Variants in USP45 observed in about 807,000 individuals in gnomAD.
The protein encoded by USP45 is ubiquitin carboxyl-terminal hydrolase 45.
USP45 carries 89 observed loss-of-function variants against 95.8 expected under a neutral mutation model. The ratio of observed to expected loss-of-function variants is 0.93; its 90% CI spans 0.78 to 1.11. USP45 has a LOEUF of 1.11. Ranked by LOEUF, USP45 falls within the 50% of genes least tolerant of loss-of-function variation. The pLI, the probability that USP45 is intolerant of heterozygous loss-of-function variation, is 0.00. For synonymous variants in USP45, 281 were observed against 316.2 expected, an observed-to-expected ratio of 0.89 and a Z score of 1.18; for missense variants, 898 against 942.5, an observed-to-expected ratio of 0.95 and a Z score of 0.62.
At chr6:99,490,991 C>A (rs1170143759) in intron 5 of USP45, among the ~76,000 whole-genome samples, 1 of 152,152 alleles carries the variant, frequency 6.6e-6, no homozygotes, top group South Asian at 2.1e-4. Context: ...TCCCCCTATT[C>A]CTGTTTTTTT....
rs147922151 is a variant in USP45 at position 99,446,274 on chromosome 6, T to C, written c.1498A>G (p.Asn500Asp). Residue 500 changes from asparagine to aspartate, a missense_variant, in exon 14 of 18, where the codon AAT becomes GAT. Coordinates refer to ENST00000500704, the MANE Select transcript of USP45 (RefSeq NM_001346022.3). The part of the protein sequence containing the change: ...SEKEASHSES[N>D]VDADSEPSES... ...GAAGGCTCACTGTCAGCATCAACAT[T>C]GCTTTCAGAATGGCTGGCTTCTTTT... 1.9e-6 allele frequency: 3 copies of C among 1,614,088 alleles called. No homozygotes were observed. The African/African-American group carries it at 4.0e-5, about 22-fold the overall frequency.
chr6:99,470,447 A>G (rs1321526313), intron 9 of USP45, among the ~76,000 whole-genome samples: 1 of 152,198 alleles, frequency 6.6e-6, no homozygotes, highest in Non-Finnish European at 1.5e-5. Flanking sequence ...TATATTTCCT[A>G]TAACTGTTCA....
At chr6:99,497,697 C>T (rs1187462929) in intron 5 of USP45, among the ~76,000 whole-genome samples, 1 of 152,186 alleles carries the variant, frequency 6.6e-6, no homozygotes, top group Non-Finnish European at 1.5e-5. Context: ...TCAGCCACTT[C>T]TCTGCTTAAA....
chr6:99,457,514 C>T (rs1210102195), intron 13 of USP45, among the ~76,000 whole-genome samples: 2 of 152,182 alleles, frequency 1.3e-5, no homozygotes, highest in Non-Finnish European at 2.9e-5. Context: ...GATCATGATA[C>T]ATTCTATGCA....
chr6:99,454,397 A>C (rs1784546489), intron 13 of USP45, among the ~76,000 whole-genome samples: 1 of 152,218 alleles, frequency 6.6e-6, no homozygotes, highest in Non-Finnish European at 1.5e-5. Context: ...ACATTAGTCT[A>C]GGTAATGATT....
chr6:99,485,175 C>CAAAAAAAA lies in USP45; in HGVS notation c.715-2300_715-2293dup, dbSNP rs1190400783. Among the ~76,000 whole-genome samples, 6 of 88,706 alleles carry CAAAAAAAA rather than the reference C, an allele frequency of 6.8e-5. No homozygotes were observed. In the East Asian group the frequency reaches 9.1e-4, roughly 13 times the overall value. 58.2% of individuals were successfully genotyped at this position (88,706 alleles called of 152,430 possible). On this transcript the variant is annotated intron_variant, in intron 7 of 17. Transcript: ENST00000500704. ...CAAAACCCTGTCTCCACTAAAAATA[C>CAAAAAAAA]AAAAAAAAAAAAAAAAAAAATTAGC...
chr6:99,494,912 G>C (rs1795978482), intron 5 of USP45, among the ~76,000 whole-genome samples: 1 of 151,760 alleles, frequency 6.6e-6, no homozygotes, highest in Non-Finnish European at 1.5e-5. Context: ...CAAAAAAACT[G>C]AGTTCAAGGA....
upstream of USP45, among the ~76,000 whole-genome samples, chr6:99,515,741 G>A (rs1271584946): frequency 2.0e-5 from 3 of 147,676 alleles, no homozygotes; most frequent in South Asian, 4.3e-4. Context: ...AACAGCCTCC[G>A]ATTTCCCTCC....
chr6:99,468,436 C>G, intron 10 of USP45, 101 bp downstream of exon 10: 1 of 783,734 alleles, frequency 1.3e-6, no homozygotes, highest in Admixed American at 2.5e-5. Context: ...AAAGCCACTA[C>G]TTTGGTGGAT....
At chr6:99,446,957 T>G (rs1782675239) in intron 13 of USP45, among the ~76,000 whole-genome samples, 1 of 152,218 alleles carries the variant, frequency 6.6e-6, no homozygotes, top group Non-Finnish European at 1.5e-5. Flanking sequence ...TTGCTTAGGC[T>G]GGTCTTGAAC....
chr6:99,479,360 C>T (rs1583256340), intron 8 of USP45, among the ~76,000 whole-genome samples: 1 of 151,972 alleles, frequency 6.6e-6, no homozygotes, highest in South Asian at 2.1e-4. Context: ...CAGGTGTGCA[C>T]CATCACACCT....
intron 15 of USP45, 32 bp from the exon 16 acceptor site, chr6:99,439,887 A>G (rs1303947589): frequency 2.0e-6 from 3 of 1,531,370 alleles, no homozygotes; most frequent in Admixed American, 1.9e-5. Flanking sequence ...TTGAAATGCA[A>G]CAATTAGAAA....
At chr6:99,506,179 C>A (rs1583459686) in intron 4 of USP45, among the ~76,000 whole-genome samples, 1 of 152,134 alleles carries the variant, frequency 6.6e-6, no homozygotes, top group Non-Finnish European at 1.5e-5. Context: ...ATCTGAGACT[C>A]CTGAAAATTC....
intron 15 of USP45, among the ~76,000 whole-genome samples, chr6:99,440,947 G>A (rs964182014): frequency 2.0e-5 from 3 of 152,238 alleles, no homozygotes; most frequent in Non-Finnish European, 2.9e-5. Context: ...ACAAGAGACT[G>A]TGTGAAGGAC....
At chr6:99,508,856 A>G (rs1195628146) in intron 2 of USP45, 74 bp from the exon 3 acceptor site, 4 of 1,336,646 alleles carry the variant, frequency 3.0e-6, no homozygotes, top group East Asian at 5.0e-5. Flanking sequence ...GCAAACCTCA[A>G]AAGTATTAAA....
intron 7 of USP45, 111 bp from the exon 8 acceptor site, chr6:99,482,994 G>A (rs1409283140): frequency 6.8e-6 from 6 of 876,988 alleles, no homozygotes; most frequent in Non-Finnish European, 9.2e-6. Context: ...TGCCTCAATT[G>A]TATTAAGAAA....
chr6:99,479,489 C>T (rs966708971), intron 8 of USP45, among the ~76,000 whole-genome samples: 2 of 150,870 alleles, frequency 1.3e-5, no homozygotes, highest in African/African-American at 4.9e-5. Flanking sequence ...GCATGAGCCA[C>T]TGTGTCTGGC....
At chr6:99,473,599 T>A (rs1355934578) in intron 9 of USP45, among the ~76,000 whole-genome samples, 5 of 148,840 alleles carry the variant, frequency 3.4e-5, no homozygotes, top group South Asian at 2.1e-4. Flanking sequence ...CTACTAAAAG[T>A]ACAAAAATTA....
chr6:99,502,358 T>C (rs1797573097), intron 5 of USP45, among the ~76,000 whole-genome samples: 1 of 152,202 alleles, frequency 6.6e-6, no homozygotes, highest in African/African-American at 2.4e-5. Flanking sequence ...TACAGCACTT[T>C]CCTGAGTTCT....
Sources: gnomAD v4.1 joint callset for allele counts (sites outside exome capture counted in the v4.1 genomes callset) on GRCh38, gnomAD v4.1.1 for gene constraint, MANE v1.5 for transcripts, NCBI Gene and HGNC (gene_info 2026-07-23, HGNC 2026-07-21) for gene names.